Variants in MAML2 observed in about 807,000 individuals in gnomAD.
The protein encoded by MAML2 is mastermind-like protein 2.
In MAML2, 22 loss-of-function variants were observed where a neutral mutation model predicts 96.1. That is an observed-to-expected ratio of 0.23 (90% confidence interval 0.16 to 0.33). The LOEUF is 0.33. MAML2 is among the 10% of genes least tolerant of loss of function. MAML2 has a pLI of 1.00. For synonymous variants in MAML2, 561 were observed against 521.3 expected, an observed-to-expected ratio of 1.08 and a Z score of -1.04; for missense variants, 1,367 against 1,392.4, an observed-to-expected ratio of 0.98 and a Z score of 0.29.
chr11:96,131,863 A>G (rs1490049654), intron 1 of MAML2, among the ~76,000 whole-genome samples: 1 of 152,162 alleles, frequency 6.6e-6, no homozygotes, highest in Non-Finnish European at 1.5e-5. Context: ...TACAAAAATT[A>G]GCCAGGCATG....
intron 2 of MAML2, among the ~76,000 whole-genome samples, chr11:96,000,420 G>A (rs1246867382): frequency 1.3e-5 from 2 of 152,124 alleles, no homozygotes; most frequent in Non-Finnish European, 2.9e-5. Context: ...GAGTTGAATA[G>A]TTGTGCCAGA....
At chr11:96,067,768 C>A (rs1859267889) in intron 2 of MAML2, among the ~76,000 whole-genome samples, 4 of 152,168 alleles carry the variant, frequency 2.6e-5, no homozygotes, top group Admixed American at 2.6e-4. Context: ...TCCGTGACTG[C>A]CTCTCTTGCT....
chr11:96,112,103 A>G (rs1352915988), intron 1 of MAML2, among the ~76,000 whole-genome samples: 1 of 152,238 alleles, frequency 6.6e-6, no homozygotes, highest in East Asian at 1.9e-4. Context: ...CAAAGATTAA[A>G]TGGTGAAAAT....
At chr11:96,336,786 G>T (rs1446053505) in intron 1 of MAML2, among the ~76,000 whole-genome samples, 1 of 152,106 alleles carries the variant, frequency 6.6e-6, no homozygotes, top group East Asian at 1.9e-4. Context: ...ATTTAAATTG[G>T]TATGTCTAAG....
chr11:96,124,189 AT>A (rs1221322093), intron 1 of MAML2, among the ~76,000 whole-genome samples: 1 of 151,096 alleles, frequency 6.6e-6, no homozygotes, highest in Non-Finnish European at 1.5e-5. Context: ...TTCCTACACT[AT>A]TTCCTCTAGG....
At chr11:96,236,262 C>T (rs535756161) in intron 1 of MAML2, among the ~76,000 whole-genome samples, 84 of 152,316 alleles carry the variant, frequency 5.5e-4, no homozygotes, top group South Asian at 2.7e-3. Flanking sequence ...TCCTCTCTTC[C>T]AAAATCTTCA....
intron 1 of MAML2, among the ~76,000 whole-genome samples, chr11:96,197,290 A>G (rs1305226960): frequency 1.3e-5 from 2 of 152,224 alleles, no homozygotes; most frequent in South Asian, 2.1e-4. Flanking sequence ...CTCCTTCGAC[A>G]TAACTAATTT....
At chr11:96,069,684 A>G (rs1160101650) in intron 2 of MAML2, among the ~76,000 whole-genome samples, 1 of 152,050 alleles carries the variant, frequency 6.6e-6, no homozygotes, top group African/African-American at 2.4e-5. Flanking sequence ...CTCAAAAATA[A>G]ATGAATAAAT....
At chr11:96,207,062 G>A (rs1170672201) in intron 1 of MAML2, among the ~76,000 whole-genome samples, 1 of 152,184 alleles carries the variant, frequency 6.6e-6, no homozygotes, top group East Asian at 1.9e-4. Context: ...AAGATGTTAA[G>A]TCTGCTTCCC....
chr11:96,228,972 C>CAAA (rs10672512), intron 1 of MAML2, among the ~76,000 whole-genome samples: 5,818 of 148,948 alleles, frequency 0.039, 254 homozygotes, highest in African/African-American at 0.1. Context: ...TCTAGTTGAA[C>CAAA]AAAAAAAAAA....
At chr11:96,141,798 G>A (rs1173338305) in intron 1 of MAML2, among the ~76,000 whole-genome samples, 3 of 152,210 alleles carry the variant, frequency 2.0e-5, no homozygotes, top group Non-Finnish European at 4.4e-5. Context: ...TCAGCTTGAA[G>A]CTAGGACCGC....
chr11:96,118,350 T>A (rs575492376), intron 1 of MAML2, among the ~76,000 whole-genome samples: 5 of 152,148 alleles, frequency 3.3e-5, no homozygotes, highest in Non-Finnish European at 5.9e-5. Flanking sequence ...TCCCCATGGT[T>A]TTTCTTGATA....
intron 1 of MAML2, among the ~76,000 whole-genome samples, chr11:96,299,546 C>T (rs1183908649): frequency 6.6e-6 from 1 of 152,062 alleles, no homozygotes; most frequent in African/African-American, 2.4e-5. Flanking sequence ...GCAGGCCTCG[C>T]CCTCAGACAA....
At chr11:96,236,475 G>A (rs990877079) in intron 1 of MAML2, among the ~76,000 whole-genome samples, 1 of 152,028 alleles carries the variant, frequency 6.6e-6, no homozygotes, top group African/African-American at 2.4e-5. Flanking sequence ...CTTTCTGCCT[G>A]GAAAATAAAG....
At chr11:96,072,629 C>T (rs964283496) in intron 2 of MAML2, among the ~76,000 whole-genome samples, 2 of 152,246 alleles carry the variant, frequency 1.3e-5, no homozygotes, top group South Asian at 2.1e-4. Context: ...AGGAAGAAGA[C>T]GGAGTCCCCT....
intron 1 of MAML2, among the ~76,000 whole-genome samples, chr11:96,182,824 G>A (rs1861506534): frequency 6.6e-6 from 1 of 152,148 alleles, no homozygotes; most frequent in African/African-American, 2.4e-5. Flanking sequence ...GCTGGAGAAG[G>A]AATGGGATGG....
intron 1 of MAML2, among the ~76,000 whole-genome samples, chr11:96,182,525 G>A (rs1861502647): frequency 6.6e-6 from 1 of 151,970 alleles, no homozygotes; most frequent in Non-Finnish European, 1.5e-5. Context: ...AAAGCACAAA[G>A]GCAGGGTATT....
chr11:96,287,211 G>A (rs530906025), intron 1 of MAML2, among the ~76,000 whole-genome samples: 2 of 152,298 alleles, frequency 1.3e-5, no homozygotes, highest in Non-Finnish European at 2.9e-5. Flanking sequence ...AAAGTGAAAA[G>A]CAATAGCTCT....
At chr11:96,267,364 A>C (rs74935033) in intron 1 of MAML2, among the ~76,000 whole-genome samples, 4,351 of 152,320 alleles carry the variant, frequency 0.029, 89 homozygotes, top group Non-Finnish European at 0.047. Flanking sequence ...TAATTCGGCC[A>C]ACACAAACAC....
Sources: allele counts gnomAD v4.1 joint callset (sites outside exome capture counted in the v4.1 genomes callset), GRCh38; gene constraint gnomAD v4.1.1; transcripts MANE v1.5; gene names NCBI Gene and HGNC (gene_info 2026-07-23, HGNC 2026-07-21).